Variants in DNM2 observed in about 807,000 individuals in gnomAD.
DNM2 encodes dynamin 2.
DNM2 carries 15 observed loss-of-function variants against 99.0 expected under a neutral mutation model. The ratio of observed to expected loss-of-function variants is 0.15; its 90% CI spans 0.10 to 0.23. The LOEUF (loss-of-function observed/expected upper bound fraction) is 0.23, where lower values mean the gene tolerates loss of function less well. Among genes scored for constraint, DNM2 ranks in the 10% least tolerant of loss-of-function variants. The pLI is 1.00. For synonymous variants in DNM2, 525 were observed against 481.2 expected (o/e 1.09, Z -1.19); for missense variants, 742 against 1,189.4 (o/e 0.62, Z 5.53).
rs141271173 is a variant in DNM2 at position 10,812,979 on chromosome 19, C to T, written c.1671+602C>T. On this transcript the variant is annotated intron_variant, in intron 15 of 20. Coordinates refer to ENST00000389253, the MANE Select transcript of DNM2 (RefSeq NM_001005361.3). The surrounding 1 kb of genome is among the most constrained non-coding windows in gnomAD (Gnocchi z 4.0). The stretch of plus-strand genomic sequence containing the variant: ...ACCTCCAGTGCCACTGTGACTGCCC[C>T]GTGCTCAAGAGAAGGGGCCATGCCC... Among the ~76,000 whole-genome samples, 9 of 152,324 alleles carry T rather than the reference C, an allele frequency of 5.9e-5. No individual in the cohort carries two copies. The highest frequency in any genetic ancestry group is 2.2e-4 in the African/African-American group (9 of 41,568).
intron 5 of DNM2, among the ~76,000 whole-genome samples, chr19:10,782,314 G>T (rs1375075331): frequency 6.6e-6 from 1 of 151,714 alleles, no homozygotes; most frequent in Non-Finnish European, 1.5e-5. Flanking sequence ...AATTACAGGC[G>T]TGAGCCACCG....
At position 10,801,820 on chromosome 19, in the gene DNM2, G is replaced by A. The variant is rs565692125; in HGVS notation, c.1423-468G>A. Among the ~76,000 whole-genome samples, 9 of 150,286 alleles carry A rather than the reference G, an allele frequency of 6.0e-5. No individual in the cohort carries two copies. In the East Asian group the frequency reaches 1.6e-3, roughly 26 times the overall value. ...TTTGGGAGGCTGAGGCAGGAGAATC[G>A]CTTGAACCCAGGAGGCAGAGGTTGC... is the stretch of plus-strand genomic sequence containing the variant. On this transcript the variant is annotated intron_variant, in intron 11 of 20. Transcript: ENST00000389253.
Position 10,796,557 on chromosome 19 carries a change from C to T in DNM2, c.1197-823C>T, listed in dbSNP as rs1400140055. Reference sequence around the variant, plus strand: ...CGCGTCAACTGCTGGAGGCTGAGCTCCTTGAAGCTCCCTGGCTGTCACCCC... The same window carrying T: ...CGCGTCAACTGCTGGAGGCTGAGCTTCTTGAAGCTCCCTGGCTGTCACCCC... On this transcript the variant is annotated intron_variant, in intron 9 of 20. Coordinates refer to ENST00000389253, the MANE Select transcript of DNM2 (RefSeq NM_001005361.3). The surrounding 1 kb of genome is among the most constrained non-coding windows in gnomAD (Gnocchi z 5.6). Among the ~76,000 whole-genome samples the T allele has an allele frequency of 1.3e-5, 2 of 152,160 alleles. No individual in the cohort carries two copies. The highest frequency in any genetic ancestry group is 2.9e-5 in the Non-Finnish European group (2 of 68,014).
chr19:10,761,176 A>T (rs1482674504), intron 2 of DNM2, among the ~76,000 whole-genome samples: 1 of 151,706 alleles, frequency 6.6e-6, no homozygotes. Flanking sequence ...TTTAGTAGAG[A>T]TGGGATTTCA....
intron 2 of DNM2, among the ~76,000 whole-genome samples, chr19:10,771,532 C>G (rs2070979680): frequency 9.8e-6 from 1 of 102,098 alleles, no homozygotes; most frequent in Non-Finnish European, 2.1e-5. Flanking sequence ...GTGCCCCTTC[C>G]CTCTACCTTG....
chr19:10,786,557 C>G lies in DNM2; in HGVS notation c.850-7C>G, dbSNP rs778548382. Reference sequence around the variant, plus strand: ...ACCCTTTCTGATCTCTGACCTCTCTCCTGCAGCAACTGACCAACCACATCC... The same window carrying G: ...ACCCTTTCTGATCTCTGACCTCTCTGCTGCAGCAACTGACCAACCACATCC... On this transcript the variant is annotated splice_polypyrimidine_tract_variant and splice_region_variant and intron_variant, in intron 6 of 20. Coordinates refer to ENST00000389253, the MANE Select transcript of DNM2 (RefSeq NM_001005361.3). The G allele has an allele frequency of 2.7e-5, 44 of 1,614,146 alleles. No individual in the cohort carries two copies. Among genetic ancestry groups the G allele is most frequent in the Non-Finnish European group, 3.7e-5 (44 of 1,180,030 alleles).
At chr19:10,776,556 A>G (rs958721408) in intron 4 of DNM2, among the ~76,000 whole-genome samples, 16 of 152,346 alleles carry the variant, frequency 1.1e-4, no homozygotes, top group Middle Eastern at 3.4e-3. Context: ...ACACACGGTT[A>G]GCACAGAGCC....
At chr19:10,809,863 G>A (rs1038452153) in intron 14 of DNM2, 1 of 152,386 alleles carries the variant, frequency 6.6e-6, no homozygotes, top group Admixed American at 6.5e-5. Context: ...GTGCAGATAG[G>A]GCCATGGGTG....
intron 5 of DNM2, among the ~76,000 whole-genome samples, chr19:10,779,180 A>G (rs1025484668): frequency 6.7e-6 from 1 of 149,188 alleles, no homozygotes; most frequent in Non-Finnish European, 1.5e-5. Context: ...GCGCCACTTC[A>G]CTCCAGCCTG....
Position 10,761,778 on chromosome 19 carries a change from G to A in DNM2, c.235+1967G>A, listed in dbSNP as rs527708918. ...TGGCCTCCCAAGACTCCTCACTTTC[G>A]TCCTCTGGCCCCGCCCAACCTGGCA... On this transcript the variant is annotated intron_variant, in intron 2 of 20. Coordinates refer to ENST00000389253, the MANE Select transcript of DNM2 (RefSeq NM_001005361.3). Among the ~76,000 whole-genome samples the A allele has an allele frequency of 3.1e-4, 47 of 152,184 alleles. No homozygotes were observed. In the South Asian group the frequency reaches 8.4e-3, roughly 27 times the overall value.
At chr19:10,734,746 G>C (rs895346506) in intron 1 of DNM2, among the ~76,000 whole-genome samples, 1 of 150,496 alleles carries the variant, frequency 6.6e-6, no homozygotes, top group African/African-American at 2.5e-5. Flanking sequence ...ATCGAGATGG[G>C]GGTCTTGCTG....
rs1455291736 is a variant in DNM2 at position 10,775,585 on chromosome 19, G to A, written c.386-118G>A. 18 of 1,112,160 alleles carry A rather than the reference G, an allele frequency of 1.6e-5. 1 individual carries two copies. Among genetic ancestry groups the A allele is most frequent in the African/African-American group, 7.7e-5 (5 of 65,268 alleles). 68.9% of individuals were successfully genotyped at this position (1,112,160 alleles called of 1,614,324 possible). ...GTGTGGTTCAGGCAGAGTGTCAGGC[G>A]ACATCCTCAAGTCTGAGCCCCGCGC... On this transcript the variant is annotated intron_variant, in intron 3 of 20. Coordinates refer to ENST00000389253, the MANE Select transcript of DNM2 (RefSeq NM_001005361.3). This position sits in a 1 kb window ranked among gnomAD's most constrained non-coding sequence, Gnocchi z 4.3.
intron 1 of DNM2, among the ~76,000 whole-genome samples, chr19:10,727,994 T>C (rs1310582512): frequency 6.6e-6 from 1 of 152,188 alleles, no homozygotes; most frequent in East Asian, 1.9e-4. Context: ...AGGGAAAATG[T>C]GGCCCTGCGT....
Position 10,786,553 on chromosome 19 carries a change from C to T in DNM2, c.850-11C>T, listed in dbSNP as rs2145977607. 6.2e-7 allele frequency: 1 copy of T among 1,614,096 alleles called. No homozygotes were observed. Among genetic ancestry groups the T allele is most frequent in the South Asian group, 1.1e-5 (1 of 91,084 alleles). The stretch of plus-strand genomic sequence containing the variant: ...TGCCACCCTTTCTGATCTCTGACCT[C>T]TCTCCTGCAGCAACTGACCAACCAC... On this transcript the variant is annotated splice_polypyrimidine_tract_variant and intron_variant, in intron 6 of 20. Transcript: ENST00000389253.
At chr19:10,761,411 A>G (rs565307796) in intron 2 of DNM2, among the ~76,000 whole-genome samples, 1 of 151,480 alleles carries the variant, frequency 6.6e-6, no homozygotes, top group African/African-American at 2.4e-5. Flanking sequence ...TATTCTTCCC[A>G]CCCGAGGCTG....
rs115672648 is a variant in DNM2, at chr19:10,797,842, C to G, written c.1335+324C>G. Among the ~76,000 whole-genome samples the G allele has an allele frequency of 5.8e-3, 891 of 152,318 alleles. 18 individuals carry two copies. The highest frequency in any genetic ancestry group is 0.021 in the African/African-American group (863 of 41,568). On this transcript the variant is annotated intron_variant, in intron 10 of 20. Transcript: ENST00000389253. ...CAGCAAAACACAGGAAACACATCATCTGTATAGCCCTGCATGTTCTCACAG... is the reference window on the plus strand; with the variant it reads ...CAGCAAAACACAGGAAACACATCATGTGTATAGCCCTGCATGTTCTCACAG...
chr19:10,829,490 T>C lies in DNM2; in HGVS notation c.2291+222T>C, dbSNP rs536921809. Reference sequence around the variant, plus strand: ...TCTAGGGCAGGACCCTGTGAATAAATACCCCGCCTGCCCTCTGCTGGTGCC... The same window carrying C: ...TCTAGGGCAGGACCCTGTGAATAAACACCCCGCCTGCCCTCTGCTGGTGCC... On this transcript the variant is annotated intron_variant, in intron 19 of 20. Transcript: ENST00000389253. Among the ~76,000 whole-genome samples the C allele has an allele frequency of 2.0e-5, 3 of 152,074 alleles. No homozygotes were observed. The East Asian group carries it at 5.8e-4, about 30-fold the overall frequency.
In DNM2 at chr19:10,779,326, G is replaced by T. The variant is rs979420388; in HGVS notation, c.688+2110G>T. On this transcript the variant is annotated intron_variant, in intron 5 of 20. Transcript: ENST00000389253. ...ACAGAGATTTCCTATCAGCCCTATA[G>T]CCCACACATCTGTAACCTCTCCCAC... 5.3e-5 allele frequency among the ~76,000 whole-genome samples: 8 copies of T among 151,494 alleles called. No individual in the cohort carries two copies. The East Asian group carries it at 1.5e-3, about 29-fold the overall frequency.
At position 10,775,676 on chromosome 19, in the gene DNM2, T is replaced by C. The variant is rs779721789; in HGVS notation, c.386-27T>C. ...GTGCCTCCCCTCTCCTGGCTCTGAA[T>C]GCCTTTCCTTCTGGTTTCCCTCCCA... On this transcript the variant is annotated intron_variant, in intron 3 of 20. Coordinates refer to ENST00000389253, the MANE Select transcript of DNM2 (RefSeq NM_001005361.3). The surrounding 1 kb of genome is among the most constrained non-coding windows in gnomAD (Gnocchi z 4.3). 4.3e-6 allele frequency: 7 copies of C among 1,613,968 alleles called. No homozygotes were observed. The highest frequency in any genetic ancestry group is 3.3e-4 in the Middle Eastern group (2 of 6,062).
Sources: gnomAD v4.1 joint callset for allele counts (sites outside exome capture counted in the v4.1 genomes callset) on GRCh38, gnomAD v4.1.1 for gene constraint, Gnocchi (gnomAD v3.1) non-coding constraint, MANE v1.5 for transcripts, NCBI Gene and HGNC (gene_info 2026-07-23, HGNC 2026-07-21) for gene names.